SLC8A1: variants seen among roughly 807,000 people sequenced by gnomAD.
SLC8A1 encodes the protein sodium/calcium exchanger 1.
A neutral mutation model predicts 68.3 loss-of-function variants in SLC8A1; 18 were observed. The ratio of observed to expected loss-of-function variants is 0.26; its 90% confidence interval spans 0.18 to 0.39. SLC8A1 has a LOEUF of 0.39. Ranked by LOEUF, SLC8A1 falls within the 10% of genes least tolerant of loss-of-function variation. The pLI is 1.00. For synonymous variants in SLC8A1, 475 were observed against 415.5 expected (o/e 1.14, Z -1.74); for missense variants, 985 against 1,156.7 (o/e 0.85, Z 2.15).
intron 1 of SLC8A1, among the ~76,000 whole-genome samples, chr2:40,477,019 G>A (rs1704334168): frequency 6.6e-6 from 1 of 152,058 alleles, no homozygotes; most frequent in South Asian, 2.1e-4. Flanking sequence ...AGGATGTTCT[G>A]GAAAATACAG....
chr2:40,395,447 C>G (rs953027870), intron 2 of SLC8A1, among the ~76,000 whole-genome samples: 3 of 152,216 alleles, frequency 2.0e-5, no homozygotes, highest in Non-Finnish European at 4.4e-5. Context: ...CACTCTTAGT[C>G]AGGACCACCA....
At chr2:40,169,774 CTACAAAAAG>C (rs1377173690) in intron 4 of SLC8A1, among the ~76,000 whole-genome samples, 1 of 152,066 alleles carries the variant, frequency 6.6e-6, no homozygotes, top group Non-Finnish European at 1.5e-5. Flanking sequence ...GACCCCGTCT[CTACAAAAAG>C]TACAAAAAGT....
At chr2:40,140,342 A>T (rs796574210) in intron 6 of SLC8A1, among the ~76,000 whole-genome samples, 1 of 152,138 alleles carries the variant, frequency 6.6e-6, no homozygotes, top group African/African-American at 2.4e-5. Context: ...GCATATCCTA[A>T]TCGCTCCACC....
At chr2:40,242,023 C>T (rs933461231) in intron 2 of SLC8A1, among the ~76,000 whole-genome samples, 14 of 152,164 alleles carry the variant, frequency 9.2e-5, no homozygotes, top group South Asian at 2.1e-4. Flanking sequence ...CTACTAACTT[C>T]GGGGCAGATC....
chr2:40,321,569 T>C (rs1002251685), intron 2 of SLC8A1, among the ~76,000 whole-genome samples: 1 of 152,104 alleles, frequency 6.6e-6, no homozygotes, highest in Non-Finnish European at 1.5e-5. Context: ...TGCAGGGCTG[T>C]GGAGGCCTTA....
intron 2 of SLC8A1, among the ~76,000 whole-genome samples, chr2:40,395,517 C>T (rs1686639548): frequency 6.6e-6 from 1 of 152,124 alleles, no homozygotes; most frequent in Admixed American, 6.5e-5. Flanking sequence ...TGTTCCATAA[C>T]TCTGTCTGGC....
At chr2:40,305,432 G>C (rs528817348) in intron 2 of SLC8A1, among the ~76,000 whole-genome samples, 22 of 152,254 alleles carry the variant, frequency 1.4e-4, no homozygotes, top group Admixed American at 6.5e-5. Context: ...AGTGTCTCTA[G>C]ACATTGCCAG....
chr2:40,491,276 T>G (rs946322197), intron 1 of SLC8A1, among the ~76,000 whole-genome samples: 1 of 152,058 alleles, frequency 6.6e-6, no homozygotes, highest in African/African-American at 2.4e-5. Context: ...CATGATTTGG[T>G]TCTCTGTTTG....
chr2:40,451,737 T>TCTCACACACACA (rs1491295790), intron 1 of SLC8A1, among the ~76,000 whole-genome samples, 167 bp downstream of exon 1: 5 of 133,664 alleles, frequency 3.7e-5, no homozygotes, highest in Admixed American at 2.2e-4. Flanking sequence ...ACACACCACA[T>TCTCACACACACA]CACACACACA....
intron 2 of SLC8A1, among the ~76,000 whole-genome samples, chr2:40,227,828 T>A (rs1199325321): frequency 2.0e-5 from 3 of 152,118 alleles, no homozygotes; most frequent in Non-Finnish European, 4.4e-5. Context: ...GTGCTATATA[T>A]GACCAACAAG....
intron 7 of SLC8A1, among the ~76,000 whole-genome samples, chr2:40,128,470 C>A (rs990633664): frequency 6.6e-6 from 1 of 152,156 alleles, no homozygotes; most frequent in Non-Finnish European, 1.5e-5. Flanking sequence ...GCAGTCAGCA[C>A]CTACAGTATG....
At chr2:40,321,762 A>T (rs1017152306) in intron 2 of SLC8A1, among the ~76,000 whole-genome samples, 1 of 152,062 alleles carries the variant, frequency 6.6e-6, no homozygotes, top group Non-Finnish European at 1.5e-5. Context: ...CCTCCCACTG[A>T]GTCCCTCCCA....
rs957939959 is a variant in SLC8A1, at chr2:40,488,001, A to G, written c.-25+24348T>C. On this transcript the variant is annotated intron_variant, in intron 1 of 7. Transcript: ENST00000402441. The stretch of plus-strand genomic sequence containing the variant: ...AAAAATAATCATAAGTGGGGTTAAA[A>G]AGTTTAAAGCCAGCTGACTGAATAT... Among the ~76,000 whole-genome samples the G allele has an allele frequency of 3.3e-5, 5 of 152,148 alleles. No homozygotes were observed. In the East Asian group the frequency reaches 9.6e-4, roughly 29 times the overall value.
Position 40,307,430 on chromosome 2 carries a change from G to T in SLC8A1, c.1808+121043C>A, listed in dbSNP as rs541230319. On this transcript the variant is annotated intron_variant, in intron 2 of 7. Coordinates refer to ENST00000406785, the Ensembl canonical transcript of SLC8A1. ...TTAATGGGTACAGTGTTTTAATTTT[G>T]TAAGACAAAAAAGTTCTGGAGATCT... 5.9e-5 allele frequency among the ~76,000 whole-genome samples: 9 copies of T among 152,110 alleles called. No individual in the cohort carries two copies. The South Asian group carries it at 1.9e-3, about 32-fold the overall frequency.
chr2:40,153,432 CTTTA>C (rs1407620581), intron 6 of SLC8A1, among the ~76,000 whole-genome samples: 5 of 152,156 alleles, frequency 3.3e-5, no homozygotes, highest in Non-Finnish European at 7.3e-5. Flanking sequence ...AATTTAAACA[CTTTA>C]TTTGTCATCC....
At chr2:40,274,704 AT>A (rs2149155006) in intron 2 of SLC8A1, among the ~76,000 whole-genome samples, 1 of 152,342 alleles carries the variant, frequency 6.6e-6, no homozygotes, top group East Asian at 1.9e-4. Context: ...AAAATTCTAC[AT>A]TGCCACTTCT....
At chr2:40,394,999 G>A (rs573559286) in intron 2 of SLC8A1, among the ~76,000 whole-genome samples, 2 of 152,242 alleles carry the variant, frequency 1.3e-5, no homozygotes, top group South Asian at 4.1e-4. Flanking sequence ...CAAAAGATGT[G>A]CACAAATGCT....
chr2:40,317,532 T>C (rs2074630207), intron 2 of SLC8A1, among the ~76,000 whole-genome samples: 1 of 152,084 alleles, frequency 6.6e-6, no homozygotes, highest in Non-Finnish European at 1.5e-5. Flanking sequence ...TGGTCTTCTT[T>C]AAAATGAAAA....
Position 40,175,254 on chromosome 2 carries a change from T to A in SLC8A1, c.1913-412A>T. On this transcript the variant is annotated intron_variant, in intron 3 of 7. Transcript: ENST00000406785. ...TGGAAAGGAAATGCAAGAAATGAAA[T>A]GCTTACCAAGCTCATTCAATAACAG... 1 of 1,612,898 alleles carries A rather than the reference T, an allele frequency of 6.2e-7. No individual in the cohort carries two copies. The highest frequency in any genetic ancestry group is 1.3e-5 in the African/African-American group (1 of 74,964).
Sources: allele counts gnomAD v4.1 joint callset (sites outside exome capture counted in the v4.1 genomes callset), GRCh38; gene constraint gnomAD v4.1.1; transcripts MANE v1.5; gene names NCBI Gene and HGNC (gene_info 2026-07-23, HGNC 2026-07-21).